FGF1: variants seen among roughly 807,000 people sequenced by gnomAD.
The protein encoded by FGF1 is fibroblast growth factor 1, also known as beta-endothelial cell growth factor.
In FGF1, 9 loss-of-function variants were observed where a neutral mutation model predicts 13.4. The ratio of observed to expected loss-of-function variants is 0.67; its 90% CI spans 0.40 to 1.17. The LOEUF (loss-of-function observed/expected upper bound fraction) is 1.17, where lower values mean the gene tolerates loss of function less well. FGF1 is among the 50% of genes most tolerant of loss of function. The pLI is 0.01. For synonymous variants in FGF1, 93 were observed against 79.0 expected, an observed-to-expected ratio of 1.18 and a Z score of -0.94; for missense variants, 156 against 192.7, an observed-to-expected ratio of 0.81 and a Z score of 1.13.
intron 2 of FGF1, among the ~76,000 whole-genome samples, chr5:142,692,404 A>T (rs1752364815): frequency 6.6e-6 from 1 of 152,236 alleles, no homozygotes. Flanking sequence ...GAGACTTCTC[A>T]TTCTTTGCCT....
chr5:142,670,291 G>C (rs1771206639), intron 1 of FGF1, among the ~76,000 whole-genome samples: 2 of 152,088 alleles, frequency 1.3e-5, no homozygotes, highest in Non-Finnish European at 2.9e-5. Flanking sequence ...CCTCTCCCCT[G>C]TTGCACACCA....
Position 142,593,289 on chromosome 5 carries a change from C to CT in FGF1, c.*2000dup, listed in dbSNP as rs1343139544. On this transcript the variant is annotated 3_prime_UTR_variant, in exon 4 of 4. Coordinates refer to ENST00000337706, the MANE Select transcript of FGF1 (RefSeq NM_000800.5). ...GACGTTAAGCCACACTGCATTTTCT[C>CT]TAACTTGCCTGCAAAGATTTACTAA... The CT allele has an allele frequency of 6.6e-6, 1 of 152,202 alleles. No homozygotes were observed. Among genetic ancestry groups the CT allele is most frequent in the Admixed American group, 6.5e-5 (1 of 15,274 alleles). 9.4% of individuals were successfully genotyped at this position (152,202 alleles called of 1,614,324 possible).
intron 1 of FGF1, among the ~76,000 whole-genome samples, chr5:142,669,090 G>A (rs560199327): frequency 3.9e-5 from 6 of 152,366 alleles, no homozygotes; most frequent in African/African-American, 1.4e-4. Context: ...GGTTTTCAGG[G>A]ACACACAGGG....
At chr5:142,634,337 A>G (rs923484917) in intron 1 of FGF1, among the ~76,000 whole-genome samples, 1 of 152,248 alleles carries the variant, frequency 6.6e-6, no homozygotes, top group Non-Finnish European at 1.5e-5. Flanking sequence ...GTATTGAAGT[A>G]ATACTTGCTG....
At chr5:142,666,927 A>G (rs556994058) in intron 1 of FGF1, among the ~76,000 whole-genome samples, 3 of 152,198 alleles carry the variant, frequency 2.0e-5, no homozygotes, top group African/African-American at 4.8e-5. Flanking sequence ...CAAAAAACAA[A>G]AACAAAAACA....
intron 2 of FGF1, among the ~76,000 whole-genome samples, chr5:142,607,270 G>A (rs1201507256): frequency 6.6e-6 from 1 of 152,142 alleles, no homozygotes; most frequent in Non-Finnish European, 1.5e-5. Flanking sequence ...TAACTTCTCT[G>A]TCCACTCCCT....
chr5:142,675,627 ACCGT>A lies in FGF1; in HGVS notation c.-35+10326_-35+10329del, dbSNP rs916763336. 2.6e-5 allele frequency among the ~76,000 whole-genome samples: 4 copies of A among 152,208 alleles called. No individual in the cohort carries two copies. In the South Asian group the frequency reaches 6.2e-4, roughly 24 times the overall value. Reference sequence around the variant, plus strand: ...TGCCACCTTGAATTTAACCTCCACCACCGTCCGTCCGCTGAGACAGGAGCTCTTA... The same window carrying A: ...TGCCACCTTGAATTTAACCTCCACCACCGTCCGCTGAGACAGGAGCTCTTA... On this transcript the variant is annotated intron_variant, in intron 1 of 3. Coordinates refer to ENST00000337706, the MANE Select transcript of FGF1 (RefSeq NM_000800.5).
At chr5:142,654,990 C>T (rs1424919598) in intron 1 of FGF1, among the ~76,000 whole-genome samples, 2 of 152,182 alleles carry the variant, frequency 1.3e-5, no homozygotes, top group Non-Finnish European at 2.9e-5. Context: ...CAGCTCTGGC[C>T]CACCCCAGCT....
chr5:142,640,841 A>T (rs906926759), intron 1 of FGF1, among the ~76,000 whole-genome samples: 2 of 151,934 alleles, frequency 1.3e-5, no homozygotes, highest in African/African-American at 4.9e-5. Context: ...AGCTATTTGC[A>T]TCCTCCGTTT....
chr5:142,648,085 A>G (rs537376337), intron 1 of FGF1, among the ~76,000 whole-genome samples: 1 of 152,290 alleles, frequency 6.6e-6, no homozygotes, highest in South Asian at 2.1e-4. Flanking sequence ...ACTCTATCTC[A>G]AAACAACAAC....
intron 1 of FGF1, chr5:142,685,495 T>G (rs1750952516): frequency 6.6e-6 from 1 of 152,164 alleles, no homozygotes; most frequent in Non-Finnish European, 1.5e-5. Context: ...CTAGCCACAC[T>G]CACCACAGCC....
chr5:142,631,069 G>T (rs932304246), intron 1 of FGF1, among the ~76,000 whole-genome samples: 7 of 152,202 alleles, frequency 4.6e-5, no homozygotes, highest in Admixed American at 2.0e-4. Context: ...ATGAGGGAGG[G>T]AGGGAACAAA....
chr5:142,617,776 C>A (rs919169641), intron 1 of FGF1, among the ~76,000 whole-genome samples: 3 of 152,068 alleles, frequency 2.0e-5, no homozygotes, highest in Admixed American at 6.6e-5. Flanking sequence ...TAAAGGAAAC[C>A]CCAGGGGCAT....
At chr5:142,633,966 C>T (rs577521986) in intron 1 of FGF1, among the ~76,000 whole-genome samples, 5 of 151,172 alleles carry the variant, frequency 3.3e-5, no homozygotes, top group Non-Finnish European at 1.5e-5. Context: ...GGGCGGATCA[C>T]GAGGTCAGGA....
chr5:142,618,643 C>G (rs1484212013), intron 1 of FGF1, among the ~76,000 whole-genome samples: 1 of 152,216 alleles, frequency 6.6e-6, no homozygotes, highest in Non-Finnish European at 1.5e-5. Context: ...AAGCTCCTCC[C>G]CCTGTGCTGT....
At chr5:142,682,382 C>A (rs183795260) in intron 1 of FGF1, among the ~76,000 whole-genome samples, 1 of 152,214 alleles carries the variant, frequency 6.6e-6, no homozygotes, top group Non-Finnish European at 1.5e-5. Flanking sequence ...TCGCACCTGG[C>A]CAAAGCAGCC....
upstream of FGF1, among the ~76,000 whole-genome samples, chr5:142,687,856 G>C (rs995283648): frequency 2.6e-5 from 4 of 152,156 alleles, no homozygotes; most frequent in African/African-American, 9.7e-5. Context: ...TGCCTGCACT[G>C]TGTGGTTGGC....
At position 142,692,158 on chromosome 5, in the gene FGF1, C is replaced by A. The variant is rs559511510; in HGVS notation, c.-35+5464G>T. Reference sequence around the variant, plus strand: ...CCAGCCTGGGCAACATGATGAAACCCCTTCTCTACCAAAAAAAACCCCACA... The same window carrying A: ...CCAGCCTGGGCAACATGATGAAACCACTTCTCTACCAAAAAAAACCCCACA... On this transcript the variant is annotated intron_variant, in intron 2 of 4. Coordinates refer to the FGF1 transcript ENST00000407758. 5.9e-5 allele frequency among the ~76,000 whole-genome samples: 9 copies of A among 152,208 alleles called. No homozygotes were observed. In the South Asian group the frequency reaches 1.9e-3, roughly 32 times the overall value.
intron 1 of FGF1, among the ~76,000 whole-genome samples, chr5:142,632,712 T>G (rs1229677689): frequency 6.6e-6 from 1 of 152,194 alleles, no homozygotes; most frequent in Non-Finnish European, 1.5e-5. Flanking sequence ...ATGATCTGAC[T>G]TTACTCAATA....
Sources: gnomAD v4.1 joint callset for allele counts (sites outside exome capture counted in the v4.1 genomes callset) on GRCh38, gnomAD v4.1.1 for gene constraint, MANE v1.5 for transcripts, NCBI Gene and HGNC (gene_info 2026-07-23, HGNC 2026-07-21) for gene names.